The following CCDC158 variants were observed in gnomAD, a reference collection of about 807,000 sequenced individuals.
The protein encoded by CCDC158 is coiled-coil domain-containing protein 158.
A neutral mutation model predicts 138.6 loss-of-function variants in CCDC158; 116 were observed. The ratio of observed to expected loss-of-function variants is 0.84; its 90% confidence interval spans 0.72 to 0.98. The LOEUF (loss-of-function observed/expected upper bound fraction) is 0.98, where lower values mean the gene tolerates loss of function less well. CCDC158 is among the 50% of genes least tolerant of loss of function. The pLI is 0.00. For missense variants in CCDC158, 1,265 were observed against 1,306.1 expected (o/e 0.97, Z 0.48); for synonymous variants, 436 against 442.4 (o/e 0.99, Z 0.18).
intron 18 of CCDC158, among the ~76,000 whole-genome samples, chr4:76,335,300 G>A (rs1721379196): frequency 1.3e-5 from 2 of 152,084 alleles, no homozygotes; most frequent in African/African-American, 2.4e-5. Context: ...ACCCAATATG[G>A]AATAAAACCT....
intron 13 of CCDC158, among the ~76,000 whole-genome samples, chr4:76,359,976 G>A (rs1189060949): frequency 2.0e-5 from 3 of 152,250 alleles, no homozygotes; most frequent in South Asian, 2.1e-4. Flanking sequence ...TCACTGGCCT[G>A]GAGGCCTAGA....
chr4:76,326,765 A>T (rs1355468263), intron 22 of CCDC158, among the ~76,000 whole-genome samples: 2 of 152,202 alleles, frequency 1.3e-5, no homozygotes, highest in East Asian at 3.8e-4. Context: ...AAAAAATGCC[A>T]ATCTAGAATT....
intron 24 of CCDC158, among the ~76,000 whole-genome samples, chr4:76,317,550 C>A (rs1359825849): frequency 6.6e-6 from 1 of 152,092 alleles, no homozygotes; most frequent in Non-Finnish European, 1.5e-5. Flanking sequence ...TTCAATATTC[C>A]ACTGATACCA....
In CCDC158 at chr4:76,357,320, T is replaced by G. The variant is rs1027170311; in HGVS notation, c.2173+54A>C. On this transcript the variant is annotated intron_variant, in intron 14 of 24. Transcript: ENST00000682701. ...TATTTGAGTTTCTGTTTTAACAAAT[T>G]TAGTCCATTAAATTAAAAACAGAAG... 5.9e-5 allele frequency: 76 copies of G among 1,286,302 alleles called. No individual in the cohort carries two copies. The African/African-American group carries it at 9.4e-4, about 16-fold the overall frequency. The allele number at this position is 1,286,302 out of a possible 1,614,324, so 79.7% of individuals were successfully genotyped here. A position where few individuals can be genotyped will look rare whatever the true frequency, so the allele number is the denominator to read the frequency against.
Position 76,367,726 on chromosome 4 carries a change from C to G in CCDC158, c.1398G>C (p.Leu466Phe). Reference sequence around the variant, plus strand: ...CTTTGGTGGATTCAAGCTGAGCAGTCAAGGAGGATACTTTTTCTAGACTTT... The same window carrying G: ...CTTTGGTGGATTCAAGCTGAGCAGTGAAGGAGGATACTTTTTCTAGACTTT... ...KNESLEKVSSLTAQLESTKEM... is the reference protein window; with the variant it reads ...KNESLEKVSSFTAQLESTKEM... Residue 466 changes from leucine to phenylalanine, a missense_variant, in exon 12 of 25, where the codon TTG (leucine) becomes TTC (phenylalanine). Transcript: ENST00000682701. 6.2e-7 allele frequency: 1 copy of G among 1,610,878 alleles called. No homozygotes were observed. Among genetic ancestry groups the G allele is most frequent in the Non-Finnish European group, 8.5e-7 (1 of 1,178,496 alleles).
chr4:76,385,781 C>A (rs1280105730), intron 4 of CCDC158, among the ~76,000 whole-genome samples: 4 of 151,664 alleles, frequency 2.6e-5, no homozygotes, highest in African/African-American at 9.7e-5. Flanking sequence ...GAGTCCCTAG[C>A]AAGGTGAATG....
At chr4:76,362,590 A>ATT (rs1162993412) in intron 12 of CCDC158, among the ~76,000 whole-genome samples, 6 of 152,324 alleles carry the variant, frequency 3.9e-5, no homozygotes, top group Admixed American at 2.6e-4. Flanking sequence ...TGCTTGCAAC[A>ATT]ACCCTTCATT....
rs140337698 is a variant in CCDC158, at chr4:76,357,564, T to A, written c.2021-38A>T. ...ATAATCAATAATAGATGGTTACTTT[T>A]TTCTATCCCATTGTTAATTAAGTAT... is the stretch of plus-strand genomic sequence containing the variant. On this transcript the variant is annotated intron_variant, in intron 13 of 24. Coordinates refer to ENST00000682701, the MANE Select transcript of CCDC158 (RefSeq NM_001394954.1). 7.8e-6 allele frequency: 10 copies of A among 1,285,300 alleles called. No individual in the cohort carries two copies. The South Asian group carries it at 1.8e-4, about 24-fold the overall frequency. 79.6% of individuals were successfully genotyped at this position (1,285,300 alleles called of 1,614,324 possible).
intron 15 of CCDC158, among the ~76,000 whole-genome samples, 190 bp downstream of exon 15, chr4:76,355,134 C>T (rs753269329): frequency 2.0e-5 from 3 of 152,170 alleles, no homozygotes; most frequent in Admixed American, 1.3e-4. Context: ...CCATTTCCCA[C>T]GTTTAAAATA....
intron 18 of CCDC158, among the ~76,000 whole-genome samples, chr4:76,349,303 A>G (rs1722846186): frequency 2.0e-5 from 3 of 152,236 alleles, no homozygotes; most frequent in Admixed American, 1.3e-4. Context: ...GAAGGAATTA[A>G]TTGTATAAAG....
intron 1 of CCDC158, among the ~76,000 whole-genome samples, chr4:76,414,734 C>A (rs995024309): frequency 6.6e-6 from 1 of 152,210 alleles, no homozygotes; most frequent in Non-Finnish European, 1.5e-5. Flanking sequence ...TTTGCTTCTT[C>A]ATTTTCTCTT....
At chr4:76,370,057 G>T (rs1009483598) in intron 10 of CCDC158, among the ~76,000 whole-genome samples, 1 of 152,184 alleles carries the variant, frequency 6.6e-6, no homozygotes, top group African/African-American at 2.4e-5. Flanking sequence ...ACTGGAATTG[G>T]AGTAGCATCT....
chr4:76,315,421 T>A (rs1434958284), intron 24 of CCDC158, among the ~76,000 whole-genome samples: 1 of 152,176 alleles, frequency 6.6e-6, no homozygotes, highest in Non-Finnish European at 1.5e-5. Flanking sequence ...CCTGGCCAAC[T>A]TAGGGCAAGC....
At chr4:76,345,542 C>A in intron 18 of CCDC158, 16 of 996,172 alleles carry the variant, frequency 1.6e-5, no homozygotes, top group Non-Finnish European at 2.6e-5. Context: ...ATGCCAGGAA[C>A]AATGACTCCC....
At position 76,388,796 on chromosome 4, in the gene CCDC158, C is replaced by CAG. The variant is rs149088772; in HGVS notation, c.289-4133_289-4132dup. On this transcript the variant is annotated intron_variant, in intron 4 of 24. Coordinates refer to ENST00000682701, the MANE Select transcript of CCDC158 (RefSeq NM_001394954.1). ...ACCCCCAGTTCCACGTGGCTCAGCA[C>CAG]AGAGAGAGAGAGAGAGACTCCATAT... is the stretch of plus-strand genomic sequence containing the variant. Among the ~76,000 whole-genome samples the CAG allele has an allele frequency of 2.3e-4, 34 of 150,144 alleles. No homozygotes were observed. The Middle Eastern group carries it at 0.01, about 46-fold the overall frequency.
intron 2 of CCDC158, among the ~76,000 whole-genome samples, chr4:76,410,483 C>T (rs905930413): frequency 3.3e-5 from 5 of 152,162 alleles, no homozygotes; most frequent in African/African-American, 1.2e-4. Context: ...CCAGGCCTGG[C>T]CCAAGTTCTA....
At position 76,319,145 on chromosome 4, in the gene CCDC158, G is replaced by T. The variant is rs575432021; in HGVS notation, c.3277+4157C>A. 2.1e-4 allele frequency among the ~76,000 whole-genome samples: 32 copies of T among 152,108 alleles called. No homozygotes were observed. The East Asian group carries it at 6.0e-3, about 29-fold the overall frequency. On this transcript the variant is annotated intron_variant, in intron 24 of 24. Transcript: ENST00000682701. ...AAATTAGCCAGGCGTGCTGGTGGGC[G>T]CCTGTAGTCCCAGCTACTTGGGAGG... is the stretch of plus-strand genomic sequence containing the variant.
intron 1 of CCDC158, among the ~76,000 whole-genome samples, chr4:76,415,702 T>C (rs1001586630): frequency 1.1e-4 from 17 of 151,982 alleles, no homozygotes; most frequent in African/African-American, 4.1e-4. Context: ...TGAGGGGACA[T>C]AGTGAGAAGT....
chr4:76,337,687 G>A (rs1024852075), intron 18 of CCDC158, among the ~76,000 whole-genome samples: 11 of 151,768 alleles, frequency 7.2e-5, no homozygotes, highest in African/African-American at 2.7e-4. Flanking sequence ...ACCCGAGATC[G>A]TGCCATGGCA....
Sources: gnomAD v4.1 joint callset for allele counts (sites outside exome capture counted in the v4.1 genomes callset) on GRCh38, gnomAD v4.1.1 for gene constraint, MANE v1.5 for transcripts, NCBI Gene and HGNC (gene_info 2026-07-23, HGNC 2026-07-21) for gene names.